The following GRIA4 variants were observed in gnomAD, a reference collection of about 807,000 sequenced individuals.
GRIA4 encodes the protein glutamate ionotropic receptor AMPA type subunit 4, also known as glutamate receptor 4.
In GRIA4, 34 loss-of-function variants were observed where a neutral mutation model predicts 104.0. The observed-to-expected ratio is 0.33, with a 90% CI of 0.25 to 0.44. The LOEUF (loss-of-function observed/expected upper bound fraction) is 0.44, where lower values mean the gene tolerates loss of function less well. GRIA4 is among the 20% of genes least tolerant of loss of function. The pLI, the probability that GRIA4 is intolerant of heterozygous loss-of-function variation, is 1.00. For synonymous variants in GRIA4, 386 were observed against 381.9 expected (o/e 1.01, Z -0.13); for missense variants, 750 against 1,096.5 (o/e 0.68, Z 4.46).
chr11:105,917,977 A>G (rs776151570), intron 10 of GRIA4, among the ~76,000 whole-genome samples: 1 of 152,030 alleles, frequency 6.6e-6, no homozygotes, highest in Non-Finnish European at 1.5e-5. Context: ...TGGGAGTATC[A>G]CCTCAAGTGT....
At chr11:105,924,198 GT>G (rs758713912) in intron 11 of GRIA4, among the ~76,000 whole-genome samples, 200 bp from the exon 12 acceptor site, 44 of 152,204 alleles carry the variant, frequency 2.9e-4, no homozygotes, top group Admixed American at 4.6e-4. Flanking sequence ...ATATTAAAAT[GT>G]TTTGTGCAAT....
At chr11:105,712,356 T>A (rs1041979155) in intron 3 of GRIA4, among the ~76,000 whole-genome samples, 2 of 152,014 alleles carry the variant, frequency 1.3e-5, no homozygotes, top group African/African-American at 4.8e-5. Flanking sequence ...GTTGTTATAT[T>A]AGTCAGATAG....
chr11:105,922,447 T>G (rs927370826), intron 11 of GRIA4, among the ~76,000 whole-genome samples: 15 of 152,140 alleles, frequency 9.9e-5, no homozygotes, highest in Non-Finnish European at 1.8e-4. Flanking sequence ...TTCTAGAAAT[T>G]TATCTTAAAT....
rs546851724 is a variant in GRIA4, at chr11:105,637,579, T to C, written c.247+25145T>C. On this transcript the variant is annotated intron_variant, in intron 3 of 16. Coordinates refer to ENST00000282499, the MANE Select transcript of GRIA4 (RefSeq NM_000829.4). ...TGCCCTCATGAAGTTTCGAGTGTAGTAGGAGAAATAAAACATGTAAATAGA... is the reference window on the plus strand; with the variant it reads ...TGCCCTCATGAAGTTTCGAGTGTAGCAGGAGAAATAAAACATGTAAATAGA... Among the ~76,000 whole-genome samples the C allele has an allele frequency of 1.1e-4, 16 of 152,246 alleles. No homozygotes were observed. The East Asian group carries it at 3.1e-3, about 29-fold the overall frequency.
At chr11:105,877,669 T>A (rs191261412) in intron 5 of GRIA4, among the ~76,000 whole-genome samples, 1 of 152,340 alleles carries the variant, frequency 6.6e-6, no homozygotes, top group Non-Finnish European at 1.5e-5. Flanking sequence ...ATCTTTAATC[T>A]CTGATATCCT....
intron 14 of GRIA4, among the ~76,000 whole-genome samples, chr11:105,955,837 T>G (rs989301644): frequency 4.6e-5 from 7 of 152,202 alleles, no homozygotes; most frequent in African/African-American, 1.7e-4. Flanking sequence ...TGGTGGTACC[T>G]CATTGTGGTT....
At chr11:105,747,842 T>TA (rs1939754120) in intron 3 of GRIA4, among the ~76,000 whole-genome samples, 1 of 152,132 alleles carries the variant, frequency 6.6e-6, no homozygotes, top group Admixed American at 6.5e-5. Flanking sequence ...TGCCAAAAAT[T>TA]AAAAACAGCC....
intron 14 of GRIA4, among the ~76,000 whole-genome samples, chr11:105,944,745 A>G (rs1490962263): frequency 2.0e-5 from 3 of 152,064 alleles, no homozygotes; most frequent in Admixed American, 2.0e-4. Flanking sequence ...ACAGAAGTGG[A>G]ACTGGAGCCC....
At chr11:105,738,930 C>CAAAAAAAAAAAA (rs1301890108) in intron 3 of GRIA4, among the ~76,000 whole-genome samples, 14 of 80,562 alleles carry the variant, frequency 1.7e-4, no homozygotes, top group South Asian at 7.3e-4. Flanking sequence ...TAAAAAAAAA[C>CAAAAAAAAAAAA]AAAAAAAAAA....
intron 16 of GRIA4, among the ~76,000 whole-genome samples, chr11:105,977,340 A>G (rs1442723684): frequency 1.3e-5 from 2 of 151,986 alleles, no homozygotes; most frequent in Admixed American, 6.6e-5. Flanking sequence ...CTCTTGTTAA[A>G]CAAGAGGTGA....
At chr11:105,975,703 A>C (rs1358703614) in intron 16 of GRIA4, among the ~76,000 whole-genome samples, 1 of 152,072 alleles carries the variant, frequency 6.6e-6, no homozygotes, top group Admixed American at 6.6e-5. Flanking sequence ...AGAGTCAAAA[A>C]CCCGATATAC....
chr11:105,685,072 C>T (rs978149050), intron 3 of GRIA4, among the ~76,000 whole-genome samples: 12 of 148,270 alleles, frequency 8.1e-5, no homozygotes, highest in African/African-American at 2.0e-4. Context: ...TTCATGATTA[C>T]GTAGCACATC....
chr11:105,664,060 G>C (rs532381399), intron 3 of GRIA4, among the ~76,000 whole-genome samples: 1 of 148,566 alleles, frequency 6.7e-6, no homozygotes, highest in South Asian at 2.2e-4. Context: ...GAAAGAGTGT[G>C]AGCTTATTCT....
At position 105,905,190 on chromosome 11, in the gene GRIA4, C is replaced by G. The variant is rs968481801; in HGVS notation, c.1054-7C>G. On this transcript the variant is annotated splice_polypyrimidine_tract_variant and splice_region_variant and intron_variant, in intron 8 of 16. Transcript: ENST00000282499. The stretch of plus-strand genomic sequence containing the variant: ...AGTGAACACGTGTGGTTTTCTTTTT[C>G]ACTTAGGTTCGAATTCAAGGGCTGA... 3 of 1,539,730 alleles carry G rather than the reference C, an allele frequency of 1.9e-6. No homozygotes were observed. The highest frequency in any genetic ancestry group is 2.7e-6 in the Non-Finnish European group (3 of 1,113,134).
chr11:105,852,360 A>G (rs1178593827), intron 4 of GRIA4, among the ~76,000 whole-genome samples: 2 of 152,176 alleles, frequency 1.3e-5, no homozygotes, highest in Non-Finnish European at 2.9e-5. Context: ...AGTGGAATGA[A>G]GCTGATTTTT....
At chr11:105,718,182 C>G (rs749603053) in intron 3 of GRIA4, among the ~76,000 whole-genome samples, 8 of 152,118 alleles carry the variant, frequency 5.3e-5, no homozygotes, top group Non-Finnish European at 1.2e-4. Context: ...ATATTTAAGG[C>G]TAGAACAACC....
At chr11:105,957,329 G>A (rs1423246274) in intron 14 of GRIA4, among the ~76,000 whole-genome samples, 1 of 152,072 alleles carries the variant, frequency 6.6e-6, no homozygotes, top group Non-Finnish European at 1.5e-5. Context: ...TTCTACATAT[G>A]GCTAGCCAGT....
intron 5 of GRIA4, among the ~76,000 whole-genome samples, chr11:105,873,596 T>C (rs920609096): frequency 6.6e-6 from 1 of 152,026 alleles, no homozygotes; most frequent in Non-Finnish European, 1.5e-5. Context: ...GCTGTTTGAC[T>C]TTTTAATGAT....
chr11:105,921,684 C>G (rs1947568882), intron 11 of GRIA4, among the ~76,000 whole-genome samples: 1 of 152,060 alleles, frequency 6.6e-6, no homozygotes, highest in Non-Finnish European at 1.5e-5. Flanking sequence ...AGGCTTCTTC[C>G]CTCACTAGTG....
Sources: allele counts gnomAD v4.1 joint callset (sites outside exome capture counted in the v4.1 genomes callset), GRCh38; gene constraint gnomAD v4.1.1; transcripts MANE v1.5; gene names NCBI Gene and HGNC (gene_info 2026-07-23, HGNC 2026-07-21).